AASDH: variants seen among roughly 807,000 people sequenced by gnomAD.
AASDH encodes aminoadipate-semialdehyde dehydrogenase, also known as beta-alanine-activating enzyme.
In AASDH, 81 loss-of-function variants were observed where a neutral mutation model predicts 102.3. The observed-to-expected ratio is 0.79, with a 90% CI of 0.66 to 0.95. The LOEUF is 0.95. Ranked by LOEUF, AASDH falls within the 40% of genes least tolerant of loss-of-function variation. The pLI is 0.00. For synonymous variants in AASDH, 398 were observed against 454.0 expected (o/e 0.88, Z 1.57); for missense variants, 1,203 against 1,266.2 (o/e 0.95, Z 0.76).
intron 5 of AASDH, among the ~76,000 whole-genome samples, chr4:56,367,403 T>C (rs1326849743): frequency 8.0e-6 from 1 of 125,076 alleles, no homozygotes; most frequent in Non-Finnish European, 1.7e-5. Flanking sequence ...AGAGCCTGCA[T>C]TGCCAAGTCA....
In AASDH at chr4:56,387,438, G is replaced by A. The variant is rs1331021564; in HGVS notation, c.-119C>T. The stretch of plus-strand genomic sequence containing the variant: ...GCTCGTCGCGGATACTTCTCACAGC[G>A]AAGCAGCAGCTCCCAGAAGCCGTAA... On this transcript the variant is annotated 5_prime_UTR_variant, in exon 1 of 15. Transcript: ENST00000205214. The A allele has an allele frequency of 6.6e-6, 1 of 152,188 alleles. No individual in the cohort carries two copies. Among genetic ancestry groups the A allele is most frequent in the African/African-American group, 2.4e-5 (1 of 41,432 alleles). The allele number at this position is 152,188 out of a possible 1,614,324, so 9.4% of individuals were successfully genotyped here.
At chr4:56,379,200 C>A (rs1259995914) in intron 3 of AASDH, among the ~76,000 whole-genome samples, 1 of 152,094 alleles carries the variant, frequency 6.6e-6, no homozygotes, top group Non-Finnish European at 1.5e-5. Flanking sequence ...GCAGTGTAAT[C>A]TTAACTGACT....
At chr4:56,358,582 T>A (rs1749900589) in intron 5 of AASDH, among the ~76,000 whole-genome samples, 1 of 151,866 alleles carries the variant, frequency 6.6e-6, no homozygotes, top group Non-Finnish European at 1.5e-5. Context: ...TTTTGCCAAA[T>A]CCTTTCTCTG....
chr4:56,374,633 T>C (rs1456485974), intron 4 of AASDH, among the ~76,000 whole-genome samples: 27 of 152,216 alleles, frequency 1.8e-4, no homozygotes, highest in Admixed American at 1.8e-3. Flanking sequence ...AATTTATTTG[T>C]TCTTCCTATG....
In AASDH at chr4:56,378,241, A is replaced by G; in HGVS notation, c.575T>C (p.Leu192Ser). The G allele has an allele frequency of 1.2e-6, 2 of 1,614,252 alleles. No individual in the cohort carries two copies. Among genetic ancestry groups the G allele is most frequent in the Admixed American group, 3.3e-5 (2 of 60,032 alleles). Reference sequence around the variant, plus strand: ...CCCTGATGTATGTAGAACATAGGCTAAGCAATGCTTTAGCCTCAGATCCAT... The same window carrying G: ...CCCTGATGTATGTAGAACATAGGCTGAGCAATGCTTTAGCCTCAGATCCAT... ...EHMDLRLKHC[L>S]AYVLHTSGTT... Residue 192 changes from leucine to serine, a missense_variant, in exon 4 of 15, where the codon TTA (leucine) becomes TCA (serine). Coordinates refer to ENST00000205214, the MANE Select transcript of AASDH (RefSeq NM_181806.4).
At chr4:56,351,548 T>A in intron 9 of AASDH, 91 bp from the exon 10 acceptor site, 2 of 701,804 alleles carry the variant, frequency 2.8e-6, no homozygotes, top group Non-Finnish European at 4.8e-6. Flanking sequence ...TACATTTTTC[T>A]TTGTACAACA....
chr4:56,359,394 G>T (rs993239340), intron 5 of AASDH, among the ~76,000 whole-genome samples: 2 of 151,718 alleles, frequency 1.3e-5, no homozygotes, highest in African/African-American at 4.8e-5. Context: ...TGAGTAGCTG[G>T]GATTACAGGC....
At chr4:56,378,798 T>C (rs76474409) in intron 3 of AASDH, among the ~76,000 whole-genome samples, 5 of 151,170 alleles carry the variant, frequency 3.3e-5, no homozygotes, top group Non-Finnish European at 2.9e-5. Flanking sequence ...TTTTTTTTTT[T>C]CTGAATATTT....
At chr4:56,363,186 A>G (rs1053446078) in intron 5 of AASDH, among the ~76,000 whole-genome samples, 8 of 152,226 alleles carry the variant, frequency 5.3e-5, no homozygotes, top group African/African-American at 1.4e-4. Context: ...AGGGGCGCCC[A>G]CCATCGCCGA....
chr4:56,374,695 G>A (rs745991736), intron 4 of AASDH, among the ~76,000 whole-genome samples: 11 of 151,862 alleles, frequency 7.2e-5, no homozygotes, highest in South Asian at 2.1e-4. Flanking sequence ...ATGCAATTCC[G>A]TTTCTTTTGT....
intron 5 of AASDH, among the ~76,000 whole-genome samples, chr4:56,365,931 G>A (rs978513979): frequency 4.6e-5 from 7 of 152,124 alleles, no homozygotes; most frequent in Non-Finnish European, 8.8e-5. Flanking sequence ...GAATCCAGGA[G>A]CTGGTTTTTT....
At position 56,378,158 on chromosome 4, in the gene AASDH, G is replaced by A; in HGVS notation, c.658C>T (p.Gln220Ter). 3 of 1,596,882 alleles carry A rather than the reference G, an allele frequency of 1.9e-6. No individual in the cohort carries two copies. Among genetic ancestry groups the A allele is most frequent in the Non-Finnish European group, 8.5e-7 (1 of 1,172,104 alleles). Residue 220 changes from glutamine (Q) to a stop codon, truncating the protein, a stop_gained, in exon 4 of 15, where the codon CAG becomes TAG. Coordinates refer to ENST00000205214, the MANE Select transcript of AASDH (RefSeq NM_181806.4). LOFTEE classifies it high-confidence loss of function. ...VPHKCIVPNIQHFRVLFDITQ... is the reference protein window; with the variant it reads ...VPHKCIVPNI ...AAGACTAGAACTTACCGAAAATGCT[G>A]GATATTTGGTACTATACACTTATGA...
intron 5 of AASDH, among the ~76,000 whole-genome samples, chr4:56,365,231 G>A (rs1750843273): frequency 6.6e-6 from 1 of 151,692 alleles, no homozygotes; most frequent in Non-Finnish European, 1.5e-5. Flanking sequence ...AGTCCTTAGA[G>A]ACCTACAAAG....
At chr4:56,381,312 T>C (rs1230973273) in intron 3 of AASDH, among the ~76,000 whole-genome samples, 1 of 152,224 alleles carries the variant, frequency 6.6e-6, no homozygotes, top group East Asian at 1.9e-4. Flanking sequence ...GGCTCATGCC[T>C]GTAATCCCAG....
intron 5 of AASDH, among the ~76,000 whole-genome samples, chr4:56,366,839 C>A (rs1399104311): frequency 6.6e-6 from 1 of 150,750 alleles, no homozygotes; most frequent in South Asian, 2.1e-4. Flanking sequence ...CTCACCACTC[C>A]TATTCAACAT....
intron 5 of AASDH, among the ~76,000 whole-genome samples, chr4:56,360,520 T>C (rs1750168241): frequency 6.6e-6 from 1 of 152,238 alleles, no homozygotes; most frequent in South Asian, 2.1e-4. Flanking sequence ...TGCCACGAAG[T>C]TCCACTATTT....
intron 9 of AASDH, 35 bp from the exon 10 acceptor site, chr4:56,351,492 AC>A: frequency 8.1e-7 from 1 of 1,231,350 alleles, no homozygotes; most frequent in South Asian, 1.3e-5. Flanking sequence ...ATGTTTTAAA[AC>A]ATTTTAAAAT....
intron 11 of AASDH, among the ~76,000 whole-genome samples, chr4:56,345,838 T>G (rs1467398279): frequency 6.6e-6 from 1 of 152,250 alleles, no homozygotes; most frequent in Non-Finnish European, 1.5e-5. Context: ...GTATGTTACA[T>G]CTATTAATTC....
intron 5 of AASDH, among the ~76,000 whole-genome samples, 170 bp from the exon 6 acceptor site, chr4:56,355,593 G>GTTTTTTTTTTTTTTTTTTTTTTT (rs149149581): frequency 3.3e-5 from 3 of 91,916 alleles, no homozygotes; most frequent in Admixed American, 1.4e-4. Flanking sequence ...TTATCTTCTT[G>GTTTTTTTTTTTTTTTTTTTTTTT]TTTTTTTTTT....
Sources: gnomAD v4.1 joint callset for allele counts (sites outside exome capture counted in the v4.1 genomes callset) on GRCh38, gnomAD v4.1.1 for gene constraint, MANE v1.5 for transcripts, NCBI Gene and HGNC (gene_info 2026-07-23, HGNC 2026-07-21) for gene names.